The following CSMD1 variants were observed in gnomAD, a reference collection of about 807,000 sequenced individuals.
CSMD1 encodes the protein CUB and Sushi multiple domains 1.
Under a neutral mutation model 417.5 loss-of-function variants are expected in CSMD1, and 213 were observed. The ratio of observed to expected loss-of-function variants is 0.51; its 90% CI spans 0.46 to 0.57. CSMD1 has a LOEUF of 0.57. Ranked by LOEUF, CSMD1 falls within the 20% of genes least tolerant of loss-of-function variation. The pLI is 0.00. For missense variants in CSMD1, 6,923 were observed against 4,529.7 expected (o/e 1.53, Z -15.17); for synonymous variants, 2,862 against 1,736.8 (o/e 1.65, Z -16.11).
At chr8:3,149,247 G>A (rs865954844) in intron 40 of CSMD1, among the ~76,000 whole-genome samples, 20 of 152,090 alleles carry the variant, frequency 1.3e-4, no homozygotes, top group African/African-American at 4.8e-4. Context: ...TCTCAGAAAT[G>A]ATAAAATAGT....
chr8:3,877,588 T>C (rs899205870), intron 5 of CSMD1, among the ~76,000 whole-genome samples: 2 of 152,198 alleles, frequency 1.3e-5, no homozygotes, highest in Admixed American at 6.5e-5. Context: ...GTTACACTGT[T>C]AGATCTAACA....
chr8:4,474,395 G>A (rs187874030), intron 2 of CSMD1, among the ~76,000 whole-genome samples: 26 of 152,292 alleles, frequency 1.7e-4, no homozygotes, highest in Admixed American at 1.6e-3. Context: ...GAGGAGGACA[G>A]AGAATTGGTC....
At chr8:4,378,535 C>G (rs1004758013) in intron 3 of CSMD1, among the ~76,000 whole-genome samples, 1 of 152,148 alleles carries the variant, frequency 6.6e-6, no homozygotes, top group Non-Finnish European at 1.5e-5. Flanking sequence ...CTGAAGTCAC[C>G]GTGTGACCAT....
At chr8:3,870,744 T>C (rs926065386) in intron 5 of CSMD1, among the ~76,000 whole-genome samples, 1 of 152,160 alleles carries the variant, frequency 6.6e-6, no homozygotes, top group African/African-American at 2.4e-5. Context: ...CCTATGGCCA[T>C]TTTTAACCAT....
At chr8:3,705,104 T>C (rs1303107060) in intron 7 of CSMD1, among the ~76,000 whole-genome samples, 1 of 152,172 alleles carries the variant, frequency 6.6e-6, no homozygotes, top group Non-Finnish European at 1.5e-5. Flanking sequence ...AAGGCTACTT[T>C]CAAAGGCTCT....
At chr8:4,945,075 A>G (rs1808279345) in intron 1 of CSMD1, among the ~76,000 whole-genome samples, 2 of 152,196 alleles carry the variant, frequency 1.3e-5, no homozygotes, top group Admixed American at 1.3e-4. Flanking sequence ...CTAAAAAGGA[A>G]GAAAATCCTG....
intron 6 of CSMD1, among the ~76,000 whole-genome samples, chr8:3,711,391 C>T (rs1428299320): frequency 3.3e-5 from 5 of 152,208 alleles, no homozygotes; most frequent in South Asian, 4.1e-4. Flanking sequence ...ATCTTCAGCC[C>T]GTTTCAGAGA....
intron 3 of CSMD1, among the ~76,000 whole-genome samples, chr8:4,265,359 C>T (rs533669101): frequency 9.3e-6 from 1 of 107,982 alleles, no homozygotes; most frequent in Non-Finnish European, 2.5e-5. Context: ...TGTCTCTGCA[C>T]AGTATCATTT....
chr8:4,244,438 G>C (rs1477103396), intron 3 of CSMD1, among the ~76,000 whole-genome samples: 1 of 152,042 alleles, frequency 6.6e-6, no homozygotes, highest in African/African-American at 2.4e-5. Flanking sequence ...GTATATTTTT[G>C]TCAAATAATT....
chr8:3,520,019 C>CATATATATATATAT (rs1491479503), intron 10 of CSMD1, among the ~76,000 whole-genome samples: 30 of 114,018 alleles, frequency 2.6e-4, no homozygotes, highest in African/African-American at 1.1e-3. Context: ...TGTGTATATA[C>CATATATATATATAT]CTATATATAT....
chr8:3,377,108 AAGTGATCCCCCTGCCTC>A (rs147305664), intron 18 of CSMD1, among the ~76,000 whole-genome samples: 1,792 of 152,300 alleles, frequency 0.012, 41 homozygotes, highest in East Asian at 0.082. Flanking sequence ...ACCTGGGCTC[AAGTGATCCCCCTGCCTC>A]AGCGTCCTGA....
At chr8:3,523,537 G>A (rs746069716) in intron 10 of CSMD1, among the ~76,000 whole-genome samples, 5 of 151,910 alleles carry the variant, frequency 3.3e-5, no homozygotes, top group East Asian at 3.9e-4. Context: ...ACACACACAC[G>A]CACACCCAGA....
At chr8:4,660,141 A>C (rs1804500830) in intron 1 of CSMD1, among the ~76,000 whole-genome samples, 1 of 151,744 alleles carries the variant, frequency 6.6e-6, no homozygotes, top group Non-Finnish European at 1.5e-5. Context: ...GAACGAAATA[A>C]AATTTATATA....
chr8:4,181,713 T>A (rs1168854649), intron 3 of CSMD1, among the ~76,000 whole-genome samples: 1 of 146,856 alleles, frequency 6.8e-6, no homozygotes, highest in African/African-American at 2.5e-5. Context: ...TAATCTCCCC[T>A]CAGAAATTCT....
At chr8:3,276,503 C>T (rs941381227) in intron 26 of CSMD1, among the ~76,000 whole-genome samples, 2 of 152,160 alleles carry the variant, frequency 1.3e-5, no homozygotes, top group Non-Finnish European at 1.5e-5. Flanking sequence ...CATGAGATCT[C>T]ATGAGTCTTA....
chr8:3,492,713 T>C (rs1333582713), intron 11 of CSMD1, among the ~76,000 whole-genome samples: 1 of 152,154 alleles, frequency 6.6e-6, no homozygotes. Flanking sequence ...CAGTCTGTGA[T>C]CCTGGTGAAA....
In CSMD1 at chr8:2,973,415, G is replaced by A. The variant is rs113964461; in HGVS notation, c.8741-116C>T. ...GAAATTTGTGTTTCACATGAGTTAT[G>A]GTTACACAACATTCTGCAATCTTGT... On this transcript the variant is annotated intron_variant, in intron 56 of 69. Transcript: ENST00000635120. The A allele has an allele frequency of 5.2e-4, 512 of 986,740 alleles. 3 individuals are homozygous for A. In the African/African-American group the frequency reaches 7.3e-3, roughly 14 times the overall value. The allele number at this position is 986,740 out of a possible 1,614,324, so 61.1% of individuals were successfully genotyped here. A position where few individuals can be genotyped will look rare whatever the true frequency, so the allele number is the denominator to read the frequency against.
chr8:4,100,466 T>C (rs1801248943), intron 3 of CSMD1, among the ~76,000 whole-genome samples: 1 of 152,170 alleles, frequency 6.6e-6, no homozygotes, highest in Admixed American at 6.5e-5. Context: ...CTCCAAATGT[T>C]GCTTAACTTT....
At chr8:3,464,957 C>G (rs1354240978) in intron 12 of CSMD1, among the ~76,000 whole-genome samples, 2 of 152,088 alleles carry the variant, frequency 1.3e-5, no homozygotes, top group Non-Finnish European at 2.9e-5. Flanking sequence ...GGGAAATTAT[C>G]AATTCACACT....
Sources: gnomAD v4.1 joint callset for allele counts (sites outside exome capture counted in the v4.1 genomes callset) on GRCh38, gnomAD v4.1.1 for gene constraint, MANE v1.5 for transcripts, NCBI Gene and HGNC (gene_info 2026-07-23, HGNC 2026-07-21) for gene names.